RYR3: variants seen among roughly 807,000 people sequenced by gnomAD.
RYR3 encodes the protein ryanodine receptor 3.
RYR3 carries 207 observed loss-of-function variants against 584.3 expected under a neutral mutation model. The observed-to-expected ratio is 0.35, with a 90% CI of 0.32 to 0.40. RYR3 has a LOEUF of 0.40. Among genes scored for constraint, RYR3 ranks in the 10% least tolerant of loss-of-function variants. RYR3 has a pLI of 1.00. For missense variants in RYR3, 5,616 were observed against 6,089.2 expected (o/e 0.92, Z 2.59); for synonymous variants, 2,416 against 2,248.5 (o/e 1.07, Z -2.11).
chr15:33,686,651 G>C lies in RYR3; in HGVS notation c.5861-9567G>C, dbSNP rs189665457. On this transcript the variant is annotated intron_variant, in intron 38 of 103. Coordinates refer to ENST00000634891, the MANE Select transcript of RYR3 (RefSeq NM_001036.6). ...AAGAGAACTTTAGACCAATACCCCT[G>C]ATGAACACTGATGCCAACATCCTCA... Among the ~76,000 whole-genome samples the C allele has an allele frequency of 7.5e-3, 1,145 of 152,274 alleles. 10 individuals carry two copies. Among genetic ancestry groups the C allele is most frequent in the Non-Finnish European group, 0.01 (694 of 68,018 alleles).
At position 33,772,214 on chromosome 15, in the gene RYR3, G is replaced by A. The variant is rs533516140; in HGVS notation, c.9055+56G>A. 3.0e-4 allele frequency: 331 copies of A among 1,117,996 alleles called. 1 individual carries two copies. Among genetic ancestry groups the A allele is most frequent in the Non-Finnish European group, 3.7e-4 (279 of 745,260 alleles). 69.3% of individuals were successfully genotyped at this position (1,117,996 alleles called of 1,614,324 possible). A position where few individuals can be genotyped will look rare whatever the true frequency, so the allele number is the denominator to read the frequency against. On this transcript the variant is annotated intron_variant, in intron 63 of 103. Transcript: ENST00000634891. The stretch of plus-strand genomic sequence containing the variant: ...ATGTGCACATGGCCCCAGATAGGAG[G>A]TGCAGGGCCCATTCACTTACATTGA...
intron 1 of RYR3, among the ~76,000 whole-genome samples, chr15:33,337,750 A>G (rs1175521698): frequency 1.3e-5 from 2 of 152,108 alleles, no homozygotes; most frequent in East Asian, 1.9e-4. Flanking sequence ...TGACCCAGCA[A>G]TTCCTCCCAG....
chr15:33,530,690 T>C (rs1468334170), intron 4 of RYR3, 24 bp downstream of exon 4: 3 of 1,584,478 alleles, frequency 1.9e-6, no homozygotes, highest in East Asian at 4.5e-5. Context: ...GTGCCCACTT[T>C]CATCATTCAA....
At position 33,486,408 on chromosome 15, in the gene RYR3, T is replaced by A. The variant is rs139066751; in HGVS notation, c.171+12870T>A. Among the ~76,000 whole-genome samples, 812 of 152,268 alleles carry A rather than the reference T, an allele frequency of 5.3e-3. 3 individuals are homozygous for A. The highest frequency in any genetic ancestry group is 7.0e-3 in the Non-Finnish European group (478 of 68,014). ...GTGGCTTTTTTCTCTGTGCACGTCT[T>A]TGCCTGTACATAGCATTTTGTTGTT... On this transcript the variant is annotated intron_variant, in intron 2 of 103. Coordinates refer to ENST00000634891, the MANE Select transcript of RYR3 (RefSeq NM_001036.6).
intron 58 of RYR3, among the ~76,000 whole-genome samples, chr15:33,756,061 A>G (rs1165027747): frequency 4.6e-5 from 7 of 152,236 alleles, no homozygotes; most frequent in Non-Finnish European, 7.3e-5. Flanking sequence ...GGTGTTAGCC[A>G]TCGCGCCCAG....
At chr15:33,690,980 G>C (rs7168875) in intron 38 of RYR3, among the ~76,000 whole-genome samples, 149,046 of 152,316 alleles carry the variant, frequency 0.98, 73,000 homozygotes, top group Middle Eastern at 1. Context: ...TTAATTGAAG[G>C]CAGCTGGATT....
At chr15:33,815,739 A>G in intron 74 of RYR3, 1 of 395,366 alleles carries the variant, frequency 2.5e-6, no homozygotes, top group East Asian at 3.6e-5. Context: ...ACCGCACAGA[A>G]TCTCCCAAAC....
chr15:33,325,212 C>T (rs985373837), intron 1 of RYR3, among the ~76,000 whole-genome samples: 1 of 152,136 alleles, frequency 6.6e-6, no homozygotes, highest in Non-Finnish European at 1.5e-5. Context: ...GCTTTTAAAT[C>T]CTATAGTCTG....
rs909188139 is a variant in RYR3 at position 33,587,862 on chromosome 15, G to A, written c.1788+1746G>A. On this transcript the variant is annotated intron_variant, in intron 16 of 103. Transcript: ENST00000634891. ...TTTGTGGTCATTTTGCAAAGAATGT[G>A]CTGAGTGGAGGCCAGACTTCCATTG... is the stretch of plus-strand genomic sequence containing the variant. 2.6e-5 allele frequency among the ~76,000 whole-genome samples: 4 copies of A among 152,176 alleles called. No individual in the cohort carries two copies. In the East Asian group the frequency reaches 7.7e-4, roughly 29 times the overall value.
intron 33 of RYR3, 68 bp from the exon 34 acceptor site, chr15:33,660,129 T>G: frequency 1.8e-6 from 2 of 1,109,176 alleles, no homozygotes; most frequent in South Asian, 2.9e-5. Context: ...CCATATCGGT[T>G]AAAATGTCTG....
chr15:33,521,688 G>T (rs1287306875), intron 3 of RYR3, among the ~76,000 whole-genome samples: 1 of 152,058 alleles, frequency 6.6e-6, no homozygotes. Context: ...TGTGGGTGTC[G>T]AAGGTGGGGC....
At chr15:33,566,228 T>A (rs2057707463) in intron 11 of RYR3, among the ~76,000 whole-genome samples, 1 of 152,234 alleles carries the variant, frequency 6.6e-6, no homozygotes, top group Admixed American at 6.5e-5. Context: ...TGGCCTTCAG[T>A]TGAGAAACCA....
chr15:33,410,586 G>A (rs530971622), intron 1 of RYR3, among the ~76,000 whole-genome samples: 42 of 152,322 alleles, frequency 2.8e-4, no homozygotes, highest in African/African-American at 9.6e-4. Flanking sequence ...GTACTTGATT[G>A]CCTTATTTTA....
At chr15:33,795,402 T>TTTTTG (rs2075549114) in intron 67 of RYR3, among the ~76,000 whole-genome samples, 1 of 71,470 alleles carries the variant, frequency 1.4e-5, no homozygotes, top group African/African-American at 4.6e-5. Flanking sequence ...TTTTTTTTTT[T>TTTTTG]GTGAGACAGA....
At chr15:33,540,644 C>G (rs2055740307) in intron 6 of RYR3, 147 bp from the exon 7 acceptor site, 1 of 589,328 alleles carries the variant, frequency 1.7e-6, no homozygotes, top group South Asian at 2.2e-5. Context: ...GCTTCTAGAT[C>G]AGGTGGAGAA....
intron 93 of RYR3, 117 bp downstream of exon 93, chr15:33,845,179 C>T (rs369080278): frequency 1.9e-5 from 17 of 918,070 alleles, no homozygotes; most frequent in Non-Finnish European, 2.8e-5. Context: ...TCGTAAGGTC[C>T]GTAGAGCAGC....
Position 33,845,924 on chromosome 15 carries a change from A to T in RYR3, c.13497+862A>T, listed in dbSNP as rs529420892. Among the ~76,000 whole-genome samples, 5 of 152,304 alleles carry T rather than the reference A, an allele frequency of 3.3e-5. No individual in the cohort carries two copies. The East Asian group carries it at 9.7e-4, about 29-fold the overall frequency. Reference sequence around the variant, plus strand: ...TGTGATTCTGTGAGATGACTGGCACATTTGGGCAGTTCCTCTGTTCTATGT... The same window carrying T: ...TGTGATTCTGTGAGATGACTGGCACTTTTGGGCAGTTCCTCTGTTCTATGT... On this transcript the variant is annotated intron_variant, in intron 93 of 103. Transcript: ENST00000634891.
intron 27 of RYR3, among the ~76,000 whole-genome samples, chr15:33,643,070 A>G (rs1043819041): frequency 6.6e-6 from 1 of 152,192 alleles, no homozygotes; most frequent in Non-Finnish European, 1.5e-5. Flanking sequence ...ATCTAGGAAG[A>G]GTGCATCTTG....
intron 1 of RYR3, among the ~76,000 whole-genome samples, chr15:33,384,500 C>CTATTATTTTAATTAATAATATAATAA (rs2141222783): frequency 1.4e-5 from 2 of 143,988 alleles, no homozygotes; most frequent in South Asian, 4.4e-4. Context: ...AATAATTATA[C>CTATTATTTTAATTAATAATATAATAA]TATTATTTTA....
Sources: gnomAD v4.1 joint callset for allele counts (sites outside exome capture counted in the v4.1 genomes callset) on GRCh38, gnomAD v4.1.1 for gene constraint, MANE v1.5 for transcripts, NCBI Gene and HGNC (gene_info 2026-07-23, HGNC 2026-07-21) for gene names.